PCDHGA5: variants seen among roughly 807,000 people sequenced by gnomAD.
PCDHGA5 encodes the protein protocadherin gamma-A5.
A neutral mutation model predicts 56.7 loss-of-function variants in PCDHGA5; 36 were observed. The ratio of observed to expected loss-of-function variants is 0.64; its 90% CI spans 0.49 to 0.84. The LOEUF is 0.84. Ranked by LOEUF, PCDHGA5 falls within the 40% of genes least tolerant of loss-of-function variation. The pLI, the probability that PCDHGA5 is intolerant of heterozygous loss-of-function variation, is 0.00. For missense variants in PCDHGA5, 1,305 were observed against 1,201.5 expected (o/e 1.09, Z -1.27); for synonymous variants, 563 against 520.2 (o/e 1.08, Z -1.12).
chr5:141,409,490 C>G (rs780688280), intron 1 of PCDHGA5: 12 of 1,613,892 alleles, frequency 7.4e-6, no homozygotes, highest in Non-Finnish European at 1.0e-5. Context: ...CAGGGGCAAG[C>G]CGCCTCTTTC....
rs1562144438 is a variant in PCDHGA5, at chr5:141,491,135, G to A, written c.2422-3672G>A. On this transcript the variant is annotated intron_variant, in intron 1 of 3. Transcript: ENST00000518069. The surrounding 1 kb of genome is among the most constrained non-coding windows in gnomAD (Gnocchi z 6.9). Reference sequence around the variant, plus strand: ...CACACTGGTGAGGTGCGCACAGCCCGGGCCTTACTGGAGGATGACTCTGAC... The same window carrying A: ...CACACTGGTGAGGTGCGCACAGCCCAGGCCTTACTGGAGGATGACTCTGAC... 4 of 1,614,104 alleles carry A rather than the reference G, an allele frequency of 2.5e-6. No homozygotes were observed. The highest frequency in any genetic ancestry group is 1.3e-5 in the African/African-American group (1 of 75,034).
chr5:141,449,263 AC>A (rs1308401244), intron 1 of PCDHGA5, among the ~76,000 whole-genome samples: 3 of 152,152 alleles, frequency 2.0e-5, no homozygotes, highest in African/African-American at 7.2e-5. Flanking sequence ...TGTACAAAGA[AC>A]TGTATCTCCT....
chr5:141,489,101 T>A lies in PCDHGA5; in HGVS notation c.2422-5706T>A. 2 of 398,380 alleles carry A rather than the reference T, an allele frequency of 5.0e-6. No individual in the cohort carries two copies. Among genetic ancestry groups the A allele is most frequent in the Non-Finnish European group, 9.0e-6 (2 of 223,310 alleles). The allele number at this position is 398,380 out of a possible 1,614,324, so 24.7% of individuals were successfully genotyped here. ...CCGCCACTCGGTGACTAAGAACTGC[T>A]GCAAGCAGGCAAACCTCCGAGCAGT... On this transcript the variant is annotated intron_variant, in intron 1 of 3. Coordinates refer to ENST00000518069, the MANE Select transcript of PCDHGA5 (RefSeq NM_018918.3). This position sits in a 1 kb window ranked among gnomAD's most constrained non-coding sequence, Gnocchi z 4.5.
chr5:141,402,996 T>G, intron 1 of PCDHGA5: 3 of 1,613,890 alleles, frequency 1.9e-6, no homozygotes, highest in Non-Finnish European at 1.7e-6. Context: ...AGATTAGTCC[T>G]GCTATGCTCG....
chr5:141,427,703 C>A (rs529490424), intron 1 of PCDHGA5: 2 of 957,514 alleles, frequency 2.1e-6, no homozygotes, highest in African/African-American at 1.6e-5. Flanking sequence ...CACAAGTCAG[C>A]GCCTCTGACC....
chr5:141,403,694 C>T (rs746395931), intron 1 of PCDHGA5: 3 of 1,613,760 alleles, frequency 1.9e-6, no homozygotes, highest in Admixed American at 3.3e-5. Flanking sequence ...ACGGATTTAC[C>T]GAGTTAAAGT....
Position 141,491,652 on chromosome 5 carries a change from G to T in PCDHGA5, c.2422-3155G>T. ...AGCAGCCCACAGCTCTGGCGCTGGA[G>T]CCTGACGCCATCCGGTCCCGCTCTA... On this transcript the variant is annotated intron_variant, in intron 1 of 3. Transcript: ENST00000518069. The surrounding 1 kb of genome is among the most constrained non-coding windows in gnomAD (Gnocchi z 6.9). The T allele has an allele frequency of 6.2e-7, 1 of 1,613,844 alleles. No homozygotes were observed.
chr5:141,477,705 G>A lies in PCDHGA5; in HGVS notation c.2422-17102G>A, dbSNP rs1285254654. On this transcript the variant is annotated intron_variant, in intron 1 of 3. Coordinates refer to ENST00000518069, the MANE Select transcript of PCDHGA5 (RefSeq NM_018918.3). The surrounding 1 kb of genome is among the most constrained non-coding windows in gnomAD (Gnocchi z 4.9). ...TTAGTGCCCCTAGACTATGAGGATCGGCGGGAATTTGAATTAACAGCTCAT... is the reference window on the plus strand; with the variant it reads ...TTAGTGCCCCTAGACTATGAGGATCAGCGGGAATTTGAATTAACAGCTCAT... The A allele has an allele frequency of 6.2e-7, 1 of 1,614,008 alleles. No homozygotes were observed. Among genetic ancestry groups the A allele is most frequent in the Non-Finnish European group, 8.5e-7 (1 of 1,180,048 alleles).
At chr5:141,394,955 C>A (rs2093135329) in intron 1 of PCDHGA5, 11 of 1,613,878 alleles carry the variant, frequency 6.8e-6, no homozygotes, top group Non-Finnish European at 8.5e-6. Context: ...TTCTGGGGCT[C>A]AGGCTGAGGC....
At chr5:141,372,381 A>G in intron 1 of PCDHGA5, 1 of 1,613,964 alleles carries the variant, frequency 6.2e-7, no homozygotes, top group Admixed American at 1.7e-5. Flanking sequence ...GCTGCACCTA[A>G]TCTTCGCAGA....
rs62378448 is a variant in PCDHGA5, at chr5:141,400,064, G to C, written c.2421+33313G>C. On this transcript the variant is annotated intron_variant, in intron 1 of 3. Transcript: ENST00000518069. ...CTGCTGGTTGCTGTGCGTGATGGTG[G>C]ACAGCCGCCACTCTCCGCCACCGCC... The C allele has an allele frequency of 7.6e-4, 1,225 of 1,613,770 alleles. No homozygotes were observed. The highest frequency in any genetic ancestry group is 9.7e-4 in the Non-Finnish European group (1,150 of 1,179,858).
At chr5:141,423,250 G>T in intron 1 of PCDHGA5, 1 of 1,613,954 alleles carries the variant, frequency 6.2e-7, no homozygotes, top group Non-Finnish European at 8.5e-7. Context: ...AGTCCTGGCG[G>T]ACCTCGGCAG....
intron 1 of PCDHGA5, chr5:141,410,107 G>A: frequency 3.1e-6 from 5 of 1,612,702 alleles, no homozygotes; most frequent in Non-Finnish European, 4.2e-6. Flanking sequence ...TAGGCGACAG[G>A]GACGCAGCCC....
chr5:141,366,229 G>A lies in PCDHGA5; in HGVS notation c.1899G>A (p.Leu633=). ...TGEVRTARAL[L]DRDALKQSLV... ...AGGTGCGCACAGCGCGAGCCCTGCTGGACAGAGACGCGCTCAAGCAGAGCC... is the reference window on the plus strand; with the variant it reads ...AGGTGCGCACAGCGCGAGCCCTGCTAGACAGAGACGCGCTCAAGCAGAGCC... Residue 633 remains leucine (L), a synonymous_variant, in exon 1 of 4, where the codon CTG becomes CTA. Transcript: ENST00000518069. 2 of 1,613,808 alleles carry A rather than the reference G, an allele frequency of 1.2e-6. No homozygotes were observed. Among genetic ancestry groups the A allele is most frequent in the Non-Finnish European group, 1.7e-6 (2 of 1,180,042 alleles).
chr5:141,404,984 C>A (rs779919758), intron 1 of PCDHGA5: 1 of 1,614,034 alleles, frequency 6.2e-7, no homozygotes, highest in Middle Eastern at 1.6e-4. Flanking sequence ...CCTGGGCAGT[C>A]TTCAGATCCC....
Position 141,490,644 on chromosome 5 carries a change from T to G in PCDHGA5, c.2422-4163T>G, listed in dbSNP as rs772742713. 1 of 1,614,188 alleles carries G rather than the reference T, an allele frequency of 6.2e-7. No individual in the cohort carries two copies. Among genetic ancestry groups the G allele is most frequent in the Non-Finnish European group, 8.5e-7 (1 of 1,180,016 alleles). The stretch of plus-strand genomic sequence containing the variant: ...CTGCTTACATCCTAGAAAACCGGCC[T>G]CCGGGCTCCCTTCTTTGCACTGTGG... On this transcript the variant is annotated intron_variant, in intron 1 of 3. Transcript: ENST00000518069. The surrounding 1 kb of genome is among the most constrained non-coding windows in gnomAD (Gnocchi z 5.4).
At chr5:141,510,272 T>TAAAA (rs546154379) in intron 3 of PCDHGA5, among the ~76,000 whole-genome samples, 4 of 130,388 alleles carry the variant, frequency 3.1e-5, no homozygotes, top group Non-Finnish European at 4.9e-5. Context: ...GACTCCATCT[T>TAAAA]AAAAAAAAAA....
intron 1 of PCDHGA5, chr5:141,388,895 T>C (rs2150370716): frequency 6.2e-7 from 1 of 1,613,946 alleles, no homozygotes; most frequent in Non-Finnish European, 8.5e-7. Flanking sequence ...AAGTCATAGA[T>C]GAAAATGACA....
In PCDHGA5 at chr5:141,476,348, G is replaced by T. The variant is rs764669470; in HGVS notation, c.2422-18459G>T. On this transcript the variant is annotated intron_variant, in intron 1 of 3. Transcript: ENST00000518069. This position sits in a 1 kb window ranked among gnomAD's most constrained non-coding sequence, Gnocchi z 7.6. ...GTCTGGAGCTAGCCGAAGATTCTTTGAGGTGAACCGGGAGACCGGAGAGAT... is the reference window on the plus strand; with the variant it reads ...GTCTGGAGCTAGCCGAAGATTCTTTTAGGTGAACCGGGAGACCGGAGAGAT... 1 of 1,614,190 alleles carries T rather than the reference G, an allele frequency of 6.2e-7. No individual in the cohort carries two copies. The highest frequency in any genetic ancestry group is 8.5e-7 in the Non-Finnish European group (1 of 1,180,032).
Sources: gnomAD v4.1 joint callset for allele counts (sites outside exome capture counted in the v4.1 genomes callset) on GRCh38, gnomAD v4.1.1 for gene constraint, Gnocchi (gnomAD v3.1) non-coding constraint, MANE v1.5 for transcripts, NCBI Gene and HGNC (gene_info 2026-07-23, HGNC 2026-07-21) for gene names.